DNAH14: variants seen among roughly 807,000 people sequenced by gnomAD.
The protein encoded by DNAH14 is dynein axonemal heavy chain 14, also known as axonemal beta dynein heavy chain 14.
Under a neutral mutation model 520.9 loss-of-function variants are expected in DNAH14, and 478 were observed. The observed-to-expected ratio is 0.92, with a 90% confidence interval of 0.85 to 0.99. The LOEUF (loss-of-function observed/expected upper bound fraction) is 0.99. Ranked by LOEUF, DNAH14 falls within the 50% of genes least tolerant of loss-of-function variation. DNAH14 has a pLI of 0.00. For synonymous variants in DNAH14, 1,581 were observed against 1,757.2 expected (o/e 0.90, Z 2.51); for missense variants, 4,831 against 5,234.5 (o/e 0.92, Z 2.38).
intron 23 of DNAH14, among the ~76,000 whole-genome samples, chr1:225,103,086 C>A (rs1444077474): frequency 6.6e-6 from 1 of 152,168 alleles, no homozygotes; most frequent in African/African-American, 2.4e-5. Flanking sequence ...AGGAACAGAT[C>A]CAGTTTCAGC....
intron 21 of DNAH14, among the ~76,000 whole-genome samples, chr1:225,093,071 A>G (rs1449363012): frequency 6.6e-6 from 1 of 152,142 alleles, no homozygotes; most frequent in Non-Finnish European, 1.5e-5. Flanking sequence ...TACCAGATGT[A>G]TAAAGGAGCT....
chr1:224,999,804 C>A (rs1320869006), intron 8 of DNAH14, among the ~76,000 whole-genome samples: 1 of 151,916 alleles, frequency 6.6e-6, no homozygotes, highest in Admixed American at 6.6e-5. Flanking sequence ...ATAATTTTAT[C>A]AGTTTGAATG....
chr1:225,261,233 G>A (rs902116743), intron 46 of DNAH14, among the ~76,000 whole-genome samples: 21 of 152,208 alleles, frequency 1.4e-4, no homozygotes, highest in Admixed American at 1.2e-3. Flanking sequence ...CAGAGGAATA[G>A]CTTTCAGCTT....
intron 11 of DNAH14, among the ~76,000 whole-genome samples, chr1:225,033,156 C>G (rs2066669431): frequency 4.6e-5 from 7 of 152,072 alleles, no homozygotes; most frequent in Admixed American, 4.6e-4. Flanking sequence ...TTTGCCCATT[C>G]CTGTGTCCAG....
At chr1:225,198,968 G>T (rs1277215367) in intron 38 of DNAH14, among the ~76,000 whole-genome samples, 1 of 152,086 alleles carries the variant, frequency 6.6e-6, no homozygotes, top group Non-Finnish European at 1.5e-5. Flanking sequence ...AATCTGTCTA[G>T]TCCTGGACTT....
At chr1:225,097,265 A>G (rs1305596850) in intron 22 of DNAH14, 26 bp downstream of exon 22, 7 of 1,517,808 alleles carry the variant, frequency 4.6e-6, no homozygotes, top group Non-Finnish European at 6.2e-6. Context: ...TATACCATAT[A>G]CAGGTTCAAA....
intron 10 of DNAH14, among the ~76,000 whole-genome samples, chr1:225,019,609 G>A (rs2501119): frequency 1 from 151,894 of 152,274 alleles, 75,759 homozygotes; most frequent in Middle Eastern, 1. Flanking sequence ...TAACAACAGA[G>A]TATACATTCT....
intron 41 of DNAH14, among the ~76,000 whole-genome samples, chr1:225,209,601 G>T (rs937792501): frequency 1.3e-5 from 2 of 152,064 alleles, no homozygotes; most frequent in Non-Finnish European, 2.9e-5. Context: ...AAATTTCAGA[G>T]GATAAAGACA....
At chr1:224,934,721 C>T (rs2489309) in intron 1 of DNAH14, among the ~76,000 whole-genome samples, 14,562 of 151,652 alleles carry the variant, frequency 0.096, 2,260 homozygotes, top group African/African-American at 0.33. Flanking sequence ...AAGATCCCCA[C>T]GGCACATTAT....
chr1:225,105,786 A>C (rs1446619280), intron 23 of DNAH14, among the ~76,000 whole-genome samples: 5 of 152,014 alleles, frequency 3.3e-5, no homozygotes, highest in Non-Finnish European at 5.9e-5. Context: ...GTGTCTCTGC[A>C]CGTGAGATGG....
intron 7 of DNAH14, among the ~76,000 whole-genome samples, chr1:224,970,769 T>G (rs2061460445): frequency 6.6e-6 from 1 of 152,166 alleles, no homozygotes. Context: ...AATGTACATA[T>G]AAATGGACTT....
intron 7 of DNAH14, among the ~76,000 whole-genome samples, chr1:224,971,978 A>T (rs1326807399): frequency 6.6e-6 from 1 of 152,208 alleles, no homozygotes; most frequent in Admixed American, 6.5e-5. Context: ...TATCCAAAGT[A>T]CTATTTTCTG....
At chr1:225,081,274 A>T (rs1437926919) in intron 19 of DNAH14, among the ~76,000 whole-genome samples, 1 of 152,206 alleles carries the variant, frequency 6.6e-6, no homozygotes, top group Non-Finnish European at 1.5e-5. Flanking sequence ...CTTTTTTTAA[A>T]GACTCCTCCC....
intron 36 of DNAH14, among the ~76,000 whole-genome samples, chr1:225,172,480 G>C (rs1052661402): frequency 2.6e-5 from 4 of 152,124 alleles, no homozygotes; most frequent in Admixed American, 6.5e-5. Context: ...CAGACAAACA[G>C]AGAGCCAAAT....
chr1:225,385,619 C>T (rs2095832121), intron 81 of DNAH14, among the ~76,000 whole-genome samples: 1 of 152,130 alleles, frequency 6.6e-6, no homozygotes, highest in African/African-American at 2.4e-5. Flanking sequence ...TGAGTGAACT[C>T]CCATTCACAA....
chr1:225,113,702 C>T lies in DNAH14; in HGVS notation c.3868-3982C>T, dbSNP rs186259632. Among the ~76,000 whole-genome samples, 404 of 152,320 alleles carry T rather than the reference C, an allele frequency of 2.7e-3. 3 individuals carry two copies. The highest frequency in any genetic ancestry group is 9.1e-3 in the African/African-American group (378 of 41,572). On this transcript the variant is annotated intron_variant, in intron 23 of 85. Transcript: ENST00000682510. ...TGGCACTCAAACCACAAGACACAGT[C>T]CTTCTCACTCTTCCCTTCCCTTTCC...
rs778259191 is a variant in DNAH14, at chr1:224,967,439, G to A, written c.507G>A (p.Leu169=). ...AIQKITLKKP[L]EDDGEFVYCL... is the part of the protein sequence containing the mutation. The stretch of plus-strand genomic sequence containing the variant: ...TTTTTTTTTAATCTCAGAAACCTTT[G>A]GAAGATGATGGAGAATTTGTTTATT... Residue 169 remains leucine, a synonymous_variant, in exon 6 of 86, where the codon TTG becomes TTA. Transcript: ENST00000682510. The A allele has an allele frequency of 6.5e-7, 1 of 1,539,152 alleles. No homozygotes were observed. Among genetic ancestry groups the A allele is most frequent in the Non-Finnish European group, 8.7e-7 (1 of 1,151,758 alleles).
chr1:224,934,752 A>G (rs2058916289), intron 1 of DNAH14, among the ~76,000 whole-genome samples: 1 of 151,946 alleles, frequency 6.6e-6, no homozygotes, highest in African/African-American at 2.4e-5. Flanking sequence ...TCTAAAGTCA[A>G]AGATAGAATC....
intron 50 of DNAH14, 82 bp downstream of exon 50, chr1:225,270,948 A>G: frequency 1.5e-6 from 2 of 1,356,108 alleles, no homozygotes; most frequent in Non-Finnish European, 2.0e-6. Context: ...ATCCACTAAT[A>G]TTGAAAGAAA....
Sources: allele counts gnomAD v4.1 joint callset (sites outside exome capture counted in the v4.1 genomes callset), GRCh38; gene constraint gnomAD v4.1.1; transcripts MANE v1.5; gene names NCBI Gene and HGNC (gene_info 2026-07-23, HGNC 2026-07-21).